Variants in ESRRG observed in about 807,000 individuals in gnomAD.
ESRRG encodes estrogen related receptor gamma.
ESRRG carries 13 observed loss-of-function variants against 44.0 expected under a neutral mutation model. That is an observed-to-expected ratio of 0.30 (90% CI 0.19 to 0.47). The LOEUF (loss-of-function observed/expected upper bound fraction) is 0.47, where lower values mean the gene tolerates loss of function less well. Among genes scored for constraint, ESRRG ranks in the 20% least tolerant of loss-of-function variants. The pLI, the probability that ESRRG is intolerant of heterozygous loss-of-function variation, is 1.00. For synonymous variants in ESRRG, 215 were observed against 214.6 expected (o/e 1.00, Z -0.02); for missense variants, 395 against 580.6 (o/e 0.68, Z 3.29).
chr1:216,852,778 T>C (rs979313260), intron 2 of ESRRG, among the ~76,000 whole-genome samples: 1 of 152,148 alleles, frequency 6.6e-6, no homozygotes, highest in African/African-American at 2.4e-5. Context: ...GTCCAGACAT[T>C]TAGGTCTAGA....
At chr1:216,675,079 G>A (rs769743078) in intron 2 of ESRRG, among the ~76,000 whole-genome samples, 38 of 152,254 alleles carry the variant, frequency 2.5e-4, no homozygotes, top group Admixed American at 1.0e-3. Flanking sequence ...AGGGAAGGTG[G>A]GCCGGGCACG....
intron 1 of ESRRG, among the ~76,000 whole-genome samples, chr1:217,101,792 ATTT>A (rs5780967): frequency 6.6e-6 from 1 of 150,990 alleles, no homozygotes; most frequent in African/African-American, 2.4e-5. Flanking sequence ...ACAACATTTT[ATTT>A]TTTTTTTTAT....
intron 1 of ESRRG, among the ~76,000 whole-genome samples, chr1:216,989,057 A>G (rs35508057): frequency 0.015 from 2,311 of 152,268 alleles, 29 homozygotes; most frequent in Non-Finnish European, 0.024. Flanking sequence ...CCACACAACT[A>G]TAAGTGCCTA....
chr1:216,937,476 C>T (rs1040349948), intron 2 of ESRRG, among the ~76,000 whole-genome samples: 3 of 152,172 alleles, frequency 2.0e-5, no homozygotes, highest in Admixed American at 6.5e-5. Context: ...GCTCTGCCTC[C>T]TGTGAATAAA....
At chr1:217,065,261 CT>C (rs2089437272) in intron 1 of ESRRG, among the ~76,000 whole-genome samples, 1 of 152,240 alleles carries the variant, frequency 6.6e-6, no homozygotes, top group Admixed American at 6.5e-5. Flanking sequence ...GGTAAAATGT[CT>C]AGCTATGACA....
chr1:216,900,552 G>T (rs936498362), intron 2 of ESRRG, among the ~76,000 whole-genome samples: 18 of 152,044 alleles, frequency 1.2e-4, no homozygotes, highest in Non-Finnish European at 1.6e-4. Flanking sequence ...TTAAGGGGGG[G>T]CAAGAATTTT....
intron 5 of ESRRG, among the ~76,000 whole-genome samples, chr1:216,530,322 C>T (rs1279789555): frequency 1.3e-5 from 2 of 151,684 alleles, no homozygotes; most frequent in African/African-American, 2.4e-5. Flanking sequence ...ATCTATCTAT[C>T]TATCTATCTA....
rs374106460 is a variant in ESRRG at position 216,945,934 on chromosome 1, T to C, written c.-105-6261A>G. Among the ~76,000 whole-genome samples, 32 of 152,248 alleles carry C rather than the reference T, an allele frequency of 2.1e-4. No individual in the cohort carries two copies. The South Asian group carries it at 5.8e-3, about 28-fold the overall frequency. On this transcript the variant is annotated intron_variant, in intron 1 of 7. Coordinates refer to the ESRRG transcript ENST00000359162. The stretch of plus-strand genomic sequence containing the variant: ...AGACCACAGTTAAGGAAAAATTCAA[T>C]AGAGATGGTTGGCAGGAGAAAAGTT...
intron 1 of ESRRG, among the ~76,000 whole-genome samples, chr1:217,057,008 G>A (rs192805190): frequency 1.3e-5 from 2 of 152,194 alleles, no homozygotes; most frequent in African/African-American, 4.8e-5. Context: ...CTGAGTACAA[G>A]GGGCACATGG....
At chr1:216,541,944 T>G (rs2052933290) in intron 5 of ESRRG, among the ~76,000 whole-genome samples, 1 of 151,886 alleles carries the variant, frequency 6.6e-6, no homozygotes, top group African/African-American at 2.4e-5. Flanking sequence ...GGATTTTCAT[T>G]CTGGCCATAC....
intron 2 of ESRRG, among the ~76,000 whole-genome samples, chr1:216,824,034 C>A (rs2148653323): frequency 6.6e-6 from 1 of 152,228 alleles, no homozygotes; most frequent in East Asian, 1.9e-4. Flanking sequence ...ATATAATCAC[C>A]AGTAATGATG....
At position 216,988,816 on chromosome 1, in the gene ESRRG, T is replaced by C. The variant is rs571091471; in HGVS notation, c.-105-49143A>G. Among the ~76,000 whole-genome samples, 10 of 152,320 alleles carry C rather than the reference T, an allele frequency of 6.6e-5. No homozygotes were observed. The South Asian group carries it at 8.3e-4, about 13-fold the overall frequency. On this transcript the variant is annotated intron_variant, in intron 1 of 7. Transcript: ENST00000359162. ...TTCTTCTCCTTTAACCTTAGTCATT[T>C]ACCACAGCCCCAAGGAGAATGTCTA...
At chr1:216,796,799 C>T (rs1205374404) in intron 2 of ESRRG, among the ~76,000 whole-genome samples, 2 of 152,260 alleles carry the variant, frequency 1.3e-5, no homozygotes, top group East Asian at 1.9e-4. Flanking sequence ...GTTGATCTTC[C>T]TGCTTCTATG....
chr1:216,890,440 G>A (rs897969068), intron 2 of ESRRG, among the ~76,000 whole-genome samples: 10 of 152,138 alleles, frequency 6.6e-5, no homozygotes, highest in South Asian at 2.1e-4. Flanking sequence ...TATGAGCTGC[G>A]GATGCAAAAG....
At chr1:217,108,799 G>A (rs1023268724) in intron 1 of ESRRG, among the ~76,000 whole-genome samples, 3 of 152,032 alleles carry the variant, frequency 2.0e-5, no homozygotes, top group African/African-American at 7.3e-5. Context: ...AGAACCATGA[G>A]CCAATTAAAC....
intron 2 of ESRRG, among the ~76,000 whole-genome samples, chr1:216,807,330 T>TC: frequency 6.6e-6 from 1 of 152,240 alleles, no homozygotes; most frequent in African/African-American, 2.4e-5. Flanking sequence ...CTTCAATTTT[T>TC]CTCTGGATGT....
At chr1:217,039,062 G>A (rs1434080611) in intron 1 of ESRRG, among the ~76,000 whole-genome samples, 2 of 152,302 alleles carry the variant, frequency 1.3e-5, no homozygotes, top group South Asian at 2.1e-4. Flanking sequence ...AAAGAGTCAC[G>A]TTTGCTCCAG....
chr1:217,084,238 C>T (rs2091943661), intron 1 of ESRRG, among the ~76,000 whole-genome samples: 1 of 151,820 alleles, frequency 6.6e-6, no homozygotes, highest in Non-Finnish European at 1.5e-5. Context: ...AAACTGATTG[C>T]CTCCTTAAGG....
chr1:216,621,054 GA>G (rs913410679), intron 3 of ESRRG, among the ~76,000 whole-genome samples: 3 of 152,076 alleles, frequency 2.0e-5, no homozygotes, highest in African/African-American at 7.2e-5. Context: ...AACATCCAAT[GA>G]ATATGGATAA....
Sources: allele counts gnomAD v4.1 joint callset (sites outside exome capture counted in the v4.1 genomes callset), GRCh38; gene constraint gnomAD v4.1.1; transcripts MANE v1.5; gene names NCBI Gene and HGNC (gene_info 2026-07-23, HGNC 2026-07-21).